Variants in PIP5K1B observed in about 807,000 individuals in gnomAD.
PIP5K1B encodes the protein phosphatidylinositol 4-phosphate 5-kinase type-1 beta.
A neutral mutation model predicts 67.0 loss-of-function variants in PIP5K1B; 42 were observed. The observed-to-expected ratio is 0.63, with a 90% confidence interval of 0.49 to 0.81. PIP5K1B has a LOEUF of 0.81. PIP5K1B is among the 30% of genes least tolerant of loss of function. The pLI is 0.00. For synonymous variants in PIP5K1B, 214 were observed against 231.4 expected (o/e 0.92, Z 0.68); for missense variants, 459 against 646.3 (o/e 0.71, Z 3.14).
At chr9:68,754,487 T>C (rs1169165536) in intron 2 of PIP5K1B, among the ~76,000 whole-genome samples, 1 of 152,148 alleles carries the variant, frequency 6.6e-6, no homozygotes, top group Non-Finnish European at 1.5e-5. Flanking sequence ...GATTTTTTAA[T>C]GTTAGTTCTG....
chr9:68,942,009 G>A (rs968364332), intron 14 of PIP5K1B, among the ~76,000 whole-genome samples: 2 of 152,158 alleles, frequency 1.3e-5, no homozygotes, highest in South Asian at 4.1e-4. Flanking sequence ...GCACTGTTCT[G>A]CTCTAAGGGC....
intron 13 of PIP5K1B, among the ~76,000 whole-genome samples, chr9:68,937,468 A>G (rs1439228734): frequency 6.6e-6 from 1 of 151,998 alleles, no homozygotes; most frequent in Admixed American, 6.6e-5. Context: ...ATCATTTTTT[A>G]TTGCATCCAT....
chr9:68,845,318 T>G (rs1822131744), intron 4 of PIP5K1B, among the ~76,000 whole-genome samples: 1 of 152,326 alleles, frequency 6.6e-6, no homozygotes, highest in Admixed American at 6.5e-5. Context: ...TACTTCTCTT[T>G]TTCTACCTTT....
intron 2 of PIP5K1B, among the ~76,000 whole-genome samples, chr9:68,802,571 G>C (rs2131987819): frequency 6.6e-6 from 1 of 152,320 alleles, no homozygotes; most frequent in Middle Eastern, 3.4e-3. Context: ...TAGTCCCAGA[G>C]CACGTGAGTA....
At chr9:68,909,363 T>G (rs1005832562) in intron 8 of PIP5K1B, among the ~76,000 whole-genome samples, 3 of 151,580 alleles carry the variant, frequency 2.0e-5, no homozygotes, top group African/African-American at 7.3e-5. Flanking sequence ...ATCATTTTAC[T>G]CATATGTACT....
intron 2 of PIP5K1B, among the ~76,000 whole-genome samples, chr9:68,806,712 C>G (rs1017308671): frequency 1.3e-5 from 2 of 152,180 alleles, no homozygotes; most frequent in Admixed American, 1.3e-4. Context: ...TCTGACATCT[C>G]TCATCCATGA....
chr9:68,969,380 A>C (rs1324441610), intron 14 of PIP5K1B, among the ~76,000 whole-genome samples: 2 of 151,936 alleles, frequency 1.3e-5, no homozygotes, highest in East Asian at 1.9e-4. Context: ...AAAAAAAAAA[A>C]AAAAAAAAAC....
At chr9:68,991,318 G>A in intron 15 of PIP5K1B, 61 bp downstream of exon 15, 1 of 880,284 alleles carries the variant, frequency 1.1e-6, no homozygotes, top group Non-Finnish European at 1.9e-6. Flanking sequence ...CCAGGCCATG[G>A]CTTACACAAG....
chr9:68,863,957 T>C lies in PIP5K1B; in HGVS notation c.190T>C (p.Phe64Leu). The stretch of plus-strand genomic sequence containing the variant: ...AGACTTTTATGTGGTGGAAAGTGTG[T>C]TCCTACCCAGGTAAGAACATTTTTA... ...MQDFYVVESV[F>L]LPSEGSNLTP... Residue 64 changes from phenylalanine (F) to leucine (L), a missense_variant, in exon 5 of 16, where the codon TTC (phenylalanine) becomes CTC (leucine). Phe to Leu is a conservative substitution (Grantham distance 22, BLOSUM62 0). Coordinates refer to ENST00000265382, the MANE Select transcript of PIP5K1B (RefSeq NM_003558.4). 1 of 1,613,672 alleles carries C rather than the reference T, an allele frequency of 6.2e-7. No individual in the cohort carries two copies. The highest frequency in any genetic ancestry group is 8.5e-7 in the Non-Finnish European group (1 of 1,179,756).
intron 12 of PIP5K1B, among the ~76,000 whole-genome samples, chr9:68,925,888 C>G (rs543967126): frequency 1.9e-4 from 27 of 138,608 alleles, no homozygotes; most frequent in African/African-American, 7.0e-4. Context: ...ACCTCTGTCT[C>G]CTGGGTTTAA....
chr9:68,774,533 T>A (rs998800128), intron 2 of PIP5K1B, among the ~76,000 whole-genome samples: 2 of 152,220 alleles, frequency 1.3e-5, no homozygotes, highest in Non-Finnish European at 2.9e-5. Context: ...CATTTTAAGA[T>A]CTAACTTTAT....
intron 4 of PIP5K1B, among the ~76,000 whole-genome samples, chr9:68,851,248 A>G (rs1822467893): frequency 1.3e-5 from 2 of 152,200 alleles, no homozygotes; most frequent in South Asian, 2.1e-4. Context: ...TATCAAACAG[A>G]TGGATATACT....
In PIP5K1B at chr9:68,754,311, A is replaced by G. The variant is rs931002049; in HGVS notation, c.-86+11654A>G. Reference sequence around the variant, plus strand: ...CAGCCTCCCAAGTAGCTGGGACTACAGGCGCCCGCCACCATGCCTGACTGA... The same window carrying G: ...CAGCCTCCCAAGTAGCTGGGACTACGGGCGCCCGCCACCATGCCTGACTGA... On this transcript the variant is annotated intron_variant, in intron 2 of 15. Coordinates refer to ENST00000265382, the MANE Select transcript of PIP5K1B (RefSeq NM_003558.4). Among the ~76,000 whole-genome samples the G allele has an allele frequency of 5.5e-4, 84 of 151,712 alleles. 1 individual carries two copies. Among genetic ancestry groups the G allele is most frequent in the African/African-American group, 1.9e-3 (77 of 41,340 alleles).
intron 2 of PIP5K1B, among the ~76,000 whole-genome samples, chr9:68,753,930 G>A (rs886925663): frequency 2.6e-5 from 4 of 152,072 alleles, no homozygotes; most frequent in African/African-American, 7.2e-5. Flanking sequence ...AAAGTGCTGG[G>A]ATTACAGGCG....
intron 15 of PIP5K1B, among the ~76,000 whole-genome samples, chr9:69,000,782 T>C (rs1166425981): frequency 3.9e-5 from 6 of 152,134 alleles, no homozygotes; most frequent in Admixed American, 3.3e-4. Flanking sequence ...ACTTTTAACA[T>C]AGAAATTTTA....
intron 4 of PIP5K1B, among the ~76,000 whole-genome samples, chr9:68,829,448 C>T (rs1468891859): frequency 3.3e-5 from 5 of 152,182 alleles, no homozygotes; most frequent in Non-Finnish European, 7.3e-5. Context: ...GCCTCCACCC[C>T]CCAGGAAGAT....
chr9:68,729,243 A>G (rs1482930605), intron 1 of PIP5K1B, among the ~76,000 whole-genome samples: 1 of 152,210 alleles, frequency 6.6e-6, no homozygotes, highest in East Asian at 1.9e-4. Flanking sequence ...GGAGATATTT[A>G]TATCCAAATA....
chr9:68,822,411 T>C (rs1479924842), intron 3 of PIP5K1B: 1 of 475,504 alleles, frequency 2.1e-6, no homozygotes, highest in Non-Finnish European at 3.8e-6. Flanking sequence ...ATTACGAAAA[T>C]GTTTTAGATT....
intron 14 of PIP5K1B, among the ~76,000 whole-genome samples, chr9:68,951,465 A>G (rs1009324569): frequency 1.3e-5 from 2 of 152,074 alleles, no homozygotes; most frequent in Non-Finnish European, 2.9e-5. Context: ...CCTAATTCCA[A>G]CCACCCTCAC....
Sources: allele counts gnomAD v4.1 joint callset (sites outside exome capture counted in the v4.1 genomes callset), GRCh38; gene constraint gnomAD v4.1.1; transcripts MANE v1.5; gene names NCBI Gene and HGNC (gene_info 2026-07-23, HGNC 2026-07-21).